The following PRMT8 variants were observed in gnomAD, a reference collection of about 807,000 sequenced individuals.
The protein encoded by PRMT8 is protein arginine N-methyltransferase 8.
In PRMT8, 7 loss-of-function variants were observed where a neutral mutation model predicts 47.1. The observed-to-expected ratio is 0.15, with a 90% CI of 0.08 to 0.28. The LOEUF is 0.28. Ranked by LOEUF, PRMT8 falls within the 10% of genes least tolerant of loss-of-function variation. The probability of loss-of-function intolerance (pLI) is 1.00; values close to 1 mark genes in which losing one functional copy is unlikely to be tolerated. For synonymous variants in PRMT8, 188 were observed against 186.5 expected, an observed-to-expected ratio of 1.01 and a Z score of -0.07; for missense variants, 237 against 505.4, an observed-to-expected ratio of 0.47 and a Z score of 5.09.
rs1483201158 is a variant in PRMT8 at position 3,492,777 on chromosome 12, G to T, written c.75+1077G>T. On this transcript the variant is annotated intron_variant, in intron 1 of 9. Transcript: ENST00000382622. The surrounding 1 kb of genome is among the most constrained non-coding windows in gnomAD (Gnocchi z 7.5). ...CCGAGATGGGGGCGGAGTGGGGCAT[G>T]TGTGTGAAGATCATCCCTTACTCAG... is the stretch of plus-strand genomic sequence containing the variant. Among the ~76,000 whole-genome samples the T allele has an allele frequency of 1.3e-5, 2 of 152,194 alleles. No individual in the cohort carries two copies. The highest frequency in any genetic ancestry group is 4.8e-5 in the African/African-American group (2 of 41,458).
chr12:3,477,085 G>A (rs2137098944), intron 1 of PRMT8, among the ~76,000 whole-genome samples: 1 of 152,274 alleles, frequency 6.6e-6, no homozygotes, highest in Middle Eastern at 3.4e-3. Context: ...TTAAAGTTGG[G>A]GTGATGAGAA....
chr12:3,528,550 C>T (rs1194596964), intron 1 of PRMT8, among the ~76,000 whole-genome samples: 2 of 152,064 alleles, frequency 1.3e-5, no homozygotes, highest in Non-Finnish European at 1.5e-5. Flanking sequence ...AATCTTTCCT[C>T]CAGCTTCCTG....
intron 8 of PRMT8, among the ~76,000 whole-genome samples, chr12:3,591,225 C>T (rs1226799352): frequency 3.3e-5 from 5 of 151,988 alleles, no homozygotes; most frequent in Non-Finnish European, 5.9e-5. Flanking sequence ...GCGCAAGTAC[C>T]ACTATGGCTT....
intron 7 of PRMT8, among the ~76,000 whole-genome samples, chr12:3,581,904 A>G (rs986761881): frequency 1.1e-4 from 16 of 152,034 alleles, no homozygotes; most frequent in African/African-American, 3.9e-4. Flanking sequence ...TCCTTTATTT[A>G]TCCTGGAAAT....
At chr12:3,441,396 A>G (rs1864799889) in intron 1 of PRMT8, among the ~76,000 whole-genome samples, 1 of 152,180 alleles carries the variant, frequency 6.6e-6, no homozygotes, top group Admixed American at 6.5e-5. Flanking sequence ...CGTTTCCTCA[A>G]CGCTGCCAGG....
chr12:3,388,494 T>G (rs756828638), intron 1 of PRMT8, among the ~76,000 whole-genome samples: 1 of 152,232 alleles, frequency 6.6e-6, no homozygotes, highest in Non-Finnish European at 1.5e-5. Flanking sequence ...AGCGATACTT[T>G]GAGGTTGTGT....
intron 1 of PRMT8, among the ~76,000 whole-genome samples, chr12:3,412,619 CTCTT>C (rs1864442634): frequency 1.3e-5 from 2 of 152,218 alleles, no homozygotes; most frequent in East Asian, 1.9e-4. Context: ...AAAATTCTCT[CTCTT>C]TTTTTTACTT....
At chr12:3,405,176 G>A (rs1864360315) in intron 1 of PRMT8, among the ~76,000 whole-genome samples, 1 of 152,132 alleles carries the variant, frequency 6.6e-6, no homozygotes. Flanking sequence ...TCTTCACATG[G>A]TTGCAGGAAG....
chr12:3,565,229 C>T (rs1382441616), intron 4 of PRMT8, among the ~76,000 whole-genome samples: 1 of 152,014 alleles, frequency 6.6e-6, no homozygotes, highest in Non-Finnish European at 1.5e-5. Flanking sequence ...AGCTTTCTGG[C>T]ACTGCAAAGA....
chr12:3,554,681 G>A (rs11062720), intron 4 of PRMT8, among the ~76,000 whole-genome samples: 2,128 of 152,256 alleles, frequency 0.014, 54 homozygotes, highest in African/African-American at 0.048. Flanking sequence ...GGGGCAGGGG[G>A]AAAAAGAGGC....
chr12:3,427,132 A>G (rs761675845), intron 1 of PRMT8, among the ~76,000 whole-genome samples: 4 of 152,118 alleles, frequency 2.6e-5, no homozygotes, highest in Non-Finnish European at 4.4e-5. Context: ...AGAAAGCCAA[A>G]CACCATTTTA....
At chr12:3,472,301 C>G (rs1026339458) in intron 1 of PRMT8, among the ~76,000 whole-genome samples, 3 of 152,230 alleles carry the variant, frequency 2.0e-5, no homozygotes, top group Non-Finnish European at 4.4e-5. Context: ...TTATGCTAAA[C>G]TTTACATTTC....
chr12:3,462,375 C>A (rs1865051629), intron 1 of PRMT8, among the ~76,000 whole-genome samples: 1 of 151,938 alleles, frequency 6.6e-6, no homozygotes, highest in Non-Finnish European at 1.5e-5. Flanking sequence ...AAGAAGGGGG[C>A]AGAGTGGGCT....
In PRMT8 at chr12:3,576,813, G is replaced by C. The variant is rs1866953992; in HGVS notation, c.713-58G>C. 2 of 1,391,532 alleles carry C rather than the reference G, an allele frequency of 1.4e-6. No homozygotes were observed. The highest frequency in any genetic ancestry group is 2.4e-5 in the South Asian group (2 of 83,910). 86.2% of individuals were successfully genotyped at this position (1,391,532 alleles called of 1,614,324 possible). ...ACGCTGTGCTCTAGGACTCAGGAGG[G>C]TTGGGTGAGCTTCTGGGGGTCCTGC... is the stretch of plus-strand genomic sequence containing the variant. On this transcript the variant is annotated intron_variant, in intron 6 of 9. Transcript: ENST00000382622. This position sits in a 1 kb window ranked among gnomAD's most constrained non-coding sequence, Gnocchi z 4.0.
At chr12:3,517,579 G>C (rs867707196) in intron 1 of PRMT8, among the ~76,000 whole-genome samples, 4 of 152,252 alleles carry the variant, frequency 2.6e-5, no homozygotes, top group Non-Finnish European at 5.9e-5. Context: ...GAGGTCTTGG[G>C]GGTGGAAGAA....
chr12:3,562,444 G>A (rs1298768027), intron 4 of PRMT8, among the ~76,000 whole-genome samples: 2 of 151,792 alleles, frequency 1.3e-5, no homozygotes, highest in Non-Finnish European at 2.9e-5. Context: ...ACAGTCTCGG[G>A]GGAAGACAGA....
At chr12:3,440,232 G>A (rs1390440164) in intron 1 of PRMT8, among the ~76,000 whole-genome samples, 3 of 152,104 alleles carry the variant, frequency 2.0e-5, no homozygotes, top group East Asian at 3.9e-4. Context: ...AGGTTGAGGC[G>A]GGTGGATCAT....
chr12:3,523,418 C>T (rs1405971136), intron 1 of PRMT8, among the ~76,000 whole-genome samples: 2 of 152,088 alleles, frequency 1.3e-5, no homozygotes, highest in African/African-American at 4.8e-5. Context: ...TCCTGTAGGA[C>T]GGTTAGCTTT....
intron 4 of PRMT8, among the ~76,000 whole-genome samples, chr12:3,556,923 C>A (rs561134489): frequency 6.6e-6 from 1 of 152,098 alleles, no homozygotes; most frequent in Non-Finnish European, 1.5e-5. Context: ...GGAGAGGCGG[C>A]CTTTGCCTTG....
Sources: gnomAD v4.1 joint callset for allele counts (sites outside exome capture counted in the v4.1 genomes callset) on GRCh38, gnomAD v4.1.1 for gene constraint, Gnocchi (gnomAD v3.1) non-coding constraint, MANE v1.5 for transcripts, NCBI Gene and HGNC (gene_info 2026-07-23, HGNC 2026-07-21) for gene names.